Variants in ITPR2 observed in about 807,000 individuals in gnomAD.
The protein encoded by ITPR2 is inositol 1,4,5-trisphosphate-gated calcium channel ITPR2.
ITPR2 carries 207 observed loss-of-function variants against 317.1 expected under a neutral mutation model. That is an observed-to-expected ratio of 0.65 (90% confidence interval 0.58 to 0.73). The LOEUF (loss-of-function observed/expected upper bound fraction) is 0.73. Among genes scored for constraint, ITPR2 ranks in the 30% least tolerant of loss-of-function variants. ITPR2 has a pLI of 0.00. For missense variants in ITPR2, 2,613 were observed against 3,284.0 expected (o/e 0.80, Z 4.99); for synonymous variants, 1,156 against 1,149.1 (o/e 1.01, Z -0.12).
At chr12:26,724,249 T>G (rs1408190928) in intron 4 of ITPR2, among the ~76,000 whole-genome samples, 1 of 152,114 alleles carries the variant, frequency 6.6e-6, no homozygotes, top group East Asian at 1.9e-4. Context: ...TAGAAGACCT[T>G]CTAATAACAA....
intron 21 of ITPR2, among the ~76,000 whole-genome samples, chr12:26,648,404 T>C (rs1947164217): frequency 1.3e-5 from 2 of 152,168 alleles, no homozygotes; most frequent in African/African-American, 4.8e-5. Flanking sequence ...AAAAAAGATG[T>C]AGTTCTAGTA....
At chr12:26,614,036 G>A (rs1946325730) in intron 26 of ITPR2, among the ~76,000 whole-genome samples, 1 of 152,108 alleles carries the variant, frequency 6.6e-6, no homozygotes, top group African/African-American at 2.4e-5. Flanking sequence ...AACACCTGAA[G>A]TAAATACAAC....
chr12:26,435,777 T>C (rs1301322675), intron 48 of ITPR2, among the ~76,000 whole-genome samples: 1 of 152,176 alleles, frequency 6.6e-6, no homozygotes, highest in African/African-American at 2.4e-5. Flanking sequence ...CTGACTTTAG[T>C]ATAGAATTAA....
intron 1 of ITPR2, among the ~76,000 whole-genome samples, chr12:26,807,983 A>G (rs1339966674): frequency 3.3e-5 from 5 of 152,174 alleles, no homozygotes; most frequent in African/African-American, 1.2e-4. Flanking sequence ...ACCCCCAGAC[A>G]CAGTTCTTGA....
At chr12:26,596,579 G>A (rs2137115537) in intron 31 of ITPR2, among the ~76,000 whole-genome samples, 1 of 151,272 alleles carries the variant, frequency 6.6e-6, no homozygotes. Context: ...CCCAAGAGGT[G>A]GAGGCTGCAG....
In ITPR2 at chr12:26,715,595, T is replaced by TG. The variant is rs530312604; in HGVS notation, c.709-151dup. On this transcript the variant is annotated intron_variant, in intron 7 of 56. Transcript: ENST00000381340. The stretch of plus-strand genomic sequence containing the variant: ...ATGCTTATTTAAACATTTAAAAATG[T>TG]GGGGGGGAAATTCAGTAAAACACTT... The TG allele has an allele frequency of 5.1e-4, 429 of 835,728 alleles. 1 individual carries two copies. In the African/African-American group the frequency reaches 6.0e-3, roughly 12 times the overall value. The allele number at this position is 835,728 out of a possible 1,614,324, so 51.8% of individuals were successfully genotyped here.
rs780371694 is a variant in ITPR2 at position 26,686,556 on chromosome 12, G to A, written c.1073C>T (p.Pro358Leu). 3.0e-5 allele frequency: 49 copies of A among 1,612,030 alleles called. No homozygotes were observed. The highest frequency in any genetic ancestry group is 3.9e-5 in the Non-Finnish European group (46 of 1,178,828). Residue 358 changes from proline (P) to leucine (L), a missense_variant, in exon 11 of 57, where the codon CCG becomes CTG. Physicochemically the swap from Pro to Leu is moderately conservative, Grantham distance 98. Transcript: ENST00000381340. ...AAGGGATGCAATGTCATTGCCATGC[G>A]GGACTGAAACCAAAGTATACATGAT... ...EKIMYTLVSV[P>L]HGNDIASLFE... is the part of the protein sequence containing the mutation.
intron 55 of ITPR2, among the ~76,000 whole-genome samples, chr12:26,380,977 C>T (rs1939492472): frequency 6.6e-6 from 1 of 152,086 alleles, no homozygotes. Context: ...AAGGTCTTAA[C>T]AGATCATGGC....
chr12:26,561,109 A>G (rs1215110527), intron 35 of ITPR2, among the ~76,000 whole-genome samples: 1 of 152,196 alleles, frequency 6.6e-6, no homozygotes, highest in African/African-American at 2.4e-5. Context: ...TGGTATCCTT[A>G]TAAGAAGAAG....
chr12:26,486,615 G>A (rs1313241277), intron 40 of ITPR2, among the ~76,000 whole-genome samples: 2 of 152,124 alleles, frequency 1.3e-5, no homozygotes, highest in Admixed American at 6.5e-5. Context: ...ATATATTCAT[G>A]TATATGAGTT....
At chr12:26,532,537 T>G (rs1943970966) in intron 37 of ITPR2, among the ~76,000 whole-genome samples, 1 of 152,208 alleles carries the variant, frequency 6.6e-6, no homozygotes, top group African/African-American at 2.4e-5. Flanking sequence ...TGTGCCACTA[T>G]GCCCAGCTAA....
intron 40 of ITPR2, 143 bp downstream of exon 40, chr12:26,486,925 A>C (rs1019081145): frequency 1.1e-6 from 1 of 884,532 alleles, no homozygotes; most frequent in Non-Finnish European, 1.9e-6. Context: ...TCACCCCATG[A>C]CCAAAATTCT....
chr12:26,430,793 A>G (rs542228005), intron 48 of ITPR2, among the ~76,000 whole-genome samples: 1 of 152,352 alleles, frequency 6.6e-6, no homozygotes, highest in Non-Finnish European at 1.5e-5. Context: ...ACTTCAATCC[A>G]GTTCACATAA....
intron 2 of ITPR2, among the ~76,000 whole-genome samples, chr12:26,744,925 T>G (rs2137090481): frequency 6.6e-6 from 1 of 152,350 alleles, no homozygotes; most frequent in Admixed American, 6.5e-5. Context: ...AGGACAACAA[T>G]TTTGCAGGCA....
chr12:26,531,684 AGTG>A (rs1565584656), intron 37 of ITPR2, among the ~76,000 whole-genome samples: 1 of 131,456 alleles, frequency 7.6e-6, no homozygotes. Context: ...CACACACACA[AGTG>A]TGTATCTGAA....
chr12:26,479,893 G>A (rs80053779), intron 43 of ITPR2, among the ~76,000 whole-genome samples: 498 of 152,288 alleles, frequency 3.3e-3, no homozygotes, highest in Non-Finnish European at 5.8e-3. Context: ...GGGCAACATA[G>A]TGAGACCCTG....
At chr12:26,606,906 G>C (rs1047397780) in intron 26 of ITPR2, among the ~76,000 whole-genome samples, 1 of 152,196 alleles carries the variant, frequency 6.6e-6, no homozygotes. Flanking sequence ...AATCACTCCA[G>C]CCTGGGCAAC....
intron 5 of ITPR2, 98 bp downstream of exon 5, chr12:26,722,299 A>C: frequency 1.9e-6 from 2 of 1,080,106 alleles, no homozygotes; most frequent in Non-Finnish European, 2.6e-6. Flanking sequence ...TTGAGTAAAA[A>C]CTATATTTTC....
chr12:26,540,734 GTTAAAATGAATATAATTCATCCA>G (rs1944236596), intron 37 of ITPR2, among the ~76,000 whole-genome samples: 1 of 152,092 alleles, frequency 6.6e-6, no homozygotes, highest in African/African-American at 2.4e-5. Flanking sequence ...TAATAATGAG[GTTAAAATGAATATAATTCATCCA>G]GTAAATTTAT....
Sources: gnomAD v4.1 joint callset for allele counts (sites outside exome capture counted in the v4.1 genomes callset) on GRCh38, gnomAD v4.1.1 for gene constraint, MANE v1.5 for transcripts, NCBI Gene and HGNC (gene_info 2026-07-23, HGNC 2026-07-21) for gene names.